Variants in KCNQ1 observed in about 807,000 individuals in gnomAD.
KCNQ1 encodes the protein potassium voltage-gated channel subfamily KQT member 1.
In KCNQ1, 49 loss-of-function variants were observed where a neutral mutation model predicts 72.4. That is an observed-to-expected ratio of 0.68 (90% CI 0.54 to 0.86). The LOEUF (loss-of-function observed/expected upper bound fraction) is 0.86, where lower values mean the gene tolerates loss of function less well. Ranked by LOEUF, KCNQ1 falls within the 40% of genes least tolerant of loss-of-function variation. KCNQ1 has a pLI of 0.00. For missense variants in KCNQ1, 790 were observed against 945.1 expected, an observed-to-expected ratio of 0.84 and a Z score of 2.15; for synonymous variants, 450 against 412.6, an observed-to-expected ratio of 1.09 and a Z score of -1.10.
intron 11 of KCNQ1, among the ~76,000 whole-genome samples, chr11:2,722,107 G>A (rs1851212664): frequency 6.6e-6 from 1 of 152,174 alleles, no homozygotes; most frequent in South Asian, 2.1e-4. Flanking sequence ...GGCAGGCACA[G>A]GGTATGGGAA....
chr11:2,583,933 C>G (rs1009999249), intron 7 of KCNQ1, among the ~76,000 whole-genome samples: 2 of 152,154 alleles, frequency 1.3e-5, no homozygotes, highest in Admixed American at 1.3e-4. Context: ...ATGTCCTTTC[C>G]AGAAACCACA....
In KCNQ1 at chr11:2,664,368, A is replaced by C. The variant is rs538715267; in HGVS notation, c.1514+2287A>C. 16 of 398,834 alleles carry C rather than the reference A, an allele frequency of 4.0e-5. No homozygotes were observed. The highest frequency in any genetic ancestry group is 7.1e-5 in the Non-Finnish European group (16 of 226,216). 24.7% of individuals were successfully genotyped at this position (398,834 alleles called of 1,614,324 possible). On this transcript the variant is annotated intron_variant, in intron 11 of 15. Coordinates refer to ENST00000155840, the MANE Select transcript of KCNQ1 (RefSeq NM_000218.3). The surrounding 1 kb of genome is among the most constrained non-coding windows in gnomAD (Gnocchi z 5.1). ...CTGGGTTCCTGCATCCTCAGAAGTC[A>C]GGGTACGGTCCCTCCAGAGAGGCCT...
At chr11:2,637,823 C>G (rs1036302090) in intron 10 of KCNQ1, 1 of 152,168 alleles carries the variant, frequency 6.6e-6, no homozygotes, top group African/African-American at 2.4e-5. Flanking sequence ...GAGTCTGTCT[C>G]TTTGTAGATC....
intron 12 of KCNQ1, among the ~76,000 whole-genome samples, chr11:2,774,900 T>A (rs918381171): frequency 6.6e-6 from 1 of 152,140 alleles, no homozygotes; most frequent in African/African-American, 2.4e-5. Context: ...TGGGCCTCAA[T>A]TGCCTCCCTC....
rs1225865624 is a variant in KCNQ1, at chr11:2,817,502, G to A, written c.1795-30265G>A. 6.6e-6 allele frequency among the ~76,000 whole-genome samples: 1 copy of A among 152,124 alleles called. No individual in the cohort carries two copies. Among genetic ancestry groups the A allele is most frequent in the Non-Finnish European group, 1.5e-5 (1 of 68,028 alleles). On this transcript the variant is annotated intron_variant, in intron 15 of 15. Transcript: ENST00000155840. The surrounding 1 kb of genome is among the most constrained non-coding windows in gnomAD (Gnocchi z 6.1). ...GACCTGCTGGGGCATTTCAGATCCT[G>A]AGCAGCATGTACCCTGTGAAAGAAC...
chr11:2,824,412 C>T lies in KCNQ1; in HGVS notation c.1795-23355C>T, dbSNP rs1409129491. On this transcript the variant is annotated intron_variant, in intron 15 of 15. Coordinates refer to ENST00000155840, the MANE Select transcript of KCNQ1 (RefSeq NM_000218.3). This position sits in a 1 kb window ranked among gnomAD's most constrained non-coding sequence, Gnocchi z 5.9. ...TTCAGGAAAGACCCCCAGGTTCTGG[C>T]TTGGCCATATGTTGGAGGCTGAAAC... is the stretch of plus-strand genomic sequence containing the variant. 1.3e-5 allele frequency among the ~76,000 whole-genome samples: 2 copies of T among 152,148 alleles called. No individual in the cohort carries two copies. Among genetic ancestry groups the T allele is most frequent in the African/African-American group, 4.8e-5 (2 of 41,428 alleles).
intron 12 of KCNQ1, among the ~76,000 whole-genome samples, chr11:2,773,867 G>GA (rs1846645912): frequency 8.7e-6 from 1 of 115,274 alleles, no homozygotes. Context: ...GATGCTAACA[G>GA]GGCTCAGCAA....
intron 11 of KCNQ1, among the ~76,000 whole-genome samples, chr11:2,732,138 T>C (rs989954210): frequency 1.3e-5 from 2 of 152,222 alleles, no homozygotes; most frequent in African/African-American, 2.4e-5. Flanking sequence ...GTCGACTCCA[T>C]TTGCTCTGAA....
rs1295434485 is a variant in KCNQ1 at position 2,710,752 on chromosome 11, G to A, written c.1514+48671G>A. Among the ~76,000 whole-genome samples the A allele has an allele frequency of 6.6e-6, 1 of 152,112 alleles. No individual in the cohort carries two copies. The highest frequency in any genetic ancestry group is 1.5e-5 in the Non-Finnish European group (1 of 68,014). On this transcript the variant is annotated intron_variant, in intron 11 of 15. Coordinates refer to ENST00000155840, the MANE Select transcript of KCNQ1 (RefSeq NM_000218.3). This position sits in a 1 kb window ranked among gnomAD's most constrained non-coding sequence, Gnocchi z 4.1. Reference sequence around the variant, plus strand: ...AAAGACTCTTCTTTCCTCAGTGAAGGATGTTGATACCCTTGTCAAAAATCA... The same window carrying A: ...AAAGACTCTTCTTTCCTCAGTGAAGAATGTTGATACCCTTGTCAAAAATCA...
At chr11:2,650,332 A>G in intron 10 of KCNQ1, 1 of 398,324 alleles carries the variant, frequency 2.5e-6, no homozygotes, top group East Asian at 3.6e-5. Context: ...TTTTCCCCCC[A>G]AGTTTTTTGT....
chr11:2,636,598 T>G (rs1313058429), intron 10 of KCNQ1: 2 of 152,170 alleles, frequency 1.3e-5, no homozygotes, highest in African/African-American at 2.4e-5. Context: ...AGTATTTTAT[T>G]GAGGATTTTT....
intron 15 of KCNQ1, among the ~76,000 whole-genome samples, chr11:2,790,766 C>T (rs1590089647): frequency 6.6e-6 from 1 of 152,336 alleles, no homozygotes; most frequent in South Asian, 2.1e-4. Flanking sequence ...AGCTCCTGGC[C>T]CAGGAGGCCT....
intron 10 of KCNQ1, chr11:2,660,388 C>T (rs1849930547): frequency 1.0e-5 from 4 of 397,558 alleles, no homozygotes; most frequent in Middle Eastern, 6.3e-4. Flanking sequence ...GAAAACCTTC[C>T]TTTTTTATAA....
intron 1 of KCNQ1, among the ~76,000 whole-genome samples, chr11:2,501,718 C>CAAAAAAAAAAAAAAAAAAA (rs55865890): frequency 1.0e-4 from 7 of 68,888 alleles, no homozygotes; most frequent in African/African-American, 1.5e-4. Context: ...AAAGATACAT[C>CAAAAAAAAAAAAAAAAAAA]AAAAAAAAAA....
intron 2 of KCNQ1, among the ~76,000 whole-genome samples, chr11:2,551,205 AC>A (rs1178410057): frequency 6.6e-6 from 1 of 151,968 alleles, no homozygotes; most frequent in Admixed American, 6.6e-5. Flanking sequence ...TCCTGTAACC[AC>A]CCCCAAAGTC....
At chr11:2,789,582 CTG>C (rs1846978822) in intron 15 of KCNQ1, among the ~76,000 whole-genome samples, 1 of 152,346 alleles carries the variant, frequency 6.6e-6, no homozygotes, top group South Asian at 2.1e-4. Context: ...GATCGCATCT[CTG>C]TGCAGCCACA....
At chr11:2,733,328 G>A (rs932979710) in intron 11 of KCNQ1, among the ~76,000 whole-genome samples, 5 of 151,686 alleles carry the variant, frequency 3.3e-5, no homozygotes, top group Admixed American at 3.3e-4. Flanking sequence ...TCAACACAGG[G>A]GCTCCCCACA....
intron 1 of KCNQ1, among the ~76,000 whole-genome samples, chr11:2,500,574 CAT>C (rs1222477818): frequency 6.6e-6 from 1 of 152,138 alleles, no homozygotes; most frequent in Non-Finnish European, 1.5e-5. Context: ...CACATGCACA[CAT>C]ATGTTTATTG....
rs1564864717 is a variant in KCNQ1, at chr11:2,703,435, C to T, written c.1514+41354C>T. Among the ~76,000 whole-genome samples, 1 of 152,196 alleles carries T rather than the reference C, an allele frequency of 6.6e-6. No individual in the cohort carries two copies. The highest frequency in any genetic ancestry group is 1.5e-5 in the Non-Finnish European group (1 of 68,044). On this transcript the variant is annotated intron_variant, in intron 11 of 15. Transcript: ENST00000155840. The surrounding 1 kb of genome is among the most constrained non-coding windows in gnomAD (Gnocchi z 6.4). Reference sequence around the variant, plus strand: ...GAGCTAGCGTTCCTTGCACTCCCTCCAGCTTTACTCTTTGGGGTTCAAAAG... The same window carrying T: ...GAGCTAGCGTTCCTTGCACTCCCTCTAGCTTTACTCTTTGGGGTTCAAAAG...
Sources: gnomAD v4.1 joint callset for allele counts (sites outside exome capture counted in the v4.1 genomes callset) on GRCh38, gnomAD v4.1.1 for gene constraint, Gnocchi (gnomAD v3.1) non-coding constraint, MANE v1.5 for transcripts, NCBI Gene and HGNC (gene_info 2026-07-23, HGNC 2026-07-21) for gene names.